The following HACD3 variants were observed in gnomAD, a reference collection of about 807,000 sequenced individuals.
HACD3 encodes very-long-chain (3R)-3-hydroxyacyl-CoA dehydratase 3.
A neutral mutation model predicts 55.2 loss-of-function variants in HACD3; 30 were observed. The observed-to-expected ratio is 0.54, with a 90% CI of 0.41 to 0.74. The LOEUF is 0.74. Among genes scored for constraint, HACD3 ranks in the 30% least tolerant of loss-of-function variants. The pLI is 0.00. For missense variants in HACD3, 363 were observed against 440.1 expected, an observed-to-expected ratio of 0.82 and a Z score of 1.57; for synonymous variants, 141 against 151.7, an observed-to-expected ratio of 0.93 and a Z score of 0.52.
chr15:65,536,108 C>CCAGCCT (rs980186849), intron 1 of HACD3, among the ~76,000 whole-genome samples: 1 of 152,158 alleles, frequency 6.6e-6, no homozygotes, highest in African/African-American at 2.4e-5. Flanking sequence ...CCTCCGCCTC[C>CCAGCCT]CAGCCTCAAG....
chr15:65,531,711 G>T (rs1232918690), intron 1 of HACD3, among the ~76,000 whole-genome samples: 1 of 151,814 alleles, frequency 6.6e-6, no homozygotes, highest in Non-Finnish European at 1.5e-5. Flanking sequence ...GATTATAGAC[G>T]CGTGCCACCA....
chr15:65,536,731 C>G (rs1445450445), intron 1 of HACD3, among the ~76,000 whole-genome samples: 1 of 152,150 alleles, frequency 6.6e-6, no homozygotes, highest in Admixed American at 6.5e-5. Context: ...ACTCCAGTGG[C>G]AGAGTGAGAC....
intron 9 of HACD3, 67 bp downstream of exon 9, chr15:65,571,721 T>C: frequency 8.2e-7 from 1 of 1,219,714 alleles, no homozygotes; most frequent in Non-Finnish European, 1.2e-6. Context: ...GAGAGACCAG[T>C]CCTTTCTTCC....
intron 8 of HACD3, among the ~76,000 whole-genome samples, chr15:65,571,096 A>G (rs1183069600): frequency 2.0e-5 from 3 of 152,226 alleles, no homozygotes; most frequent in South Asian, 2.1e-4. Context: ...CCTTAATGCA[A>G]TGTTTACTGT....
intron 10 of HACD3, among the ~76,000 whole-genome samples, chr15:65,575,328 C>T (rs1246695093): frequency 6.6e-6 from 1 of 151,904 alleles, no homozygotes; most frequent in Non-Finnish European, 1.5e-5. Flanking sequence ...GCTGGGATTA[C>T]AGGCACCTGC....
rs1348895065 is a variant in HACD3 at position 65,577,021 on chromosome 15, A to C, written c.*642A>C. On this transcript the variant is annotated 3_prime_UTR_variant, in exon 11 of 11. Transcript: ENST00000261875. Reference sequence around the variant, plus strand: ...ATTGAAGAGGCGCAGAATGCTTTGAAAGAAACTAATCAGAATCTTGGAACA... The same window carrying C: ...ATTGAAGAGGCGCAGAATGCTTTGACAGAAACTAATCAGAATCTTGGAACA... 6.6e-6 allele frequency: 1 copy of C among 152,244 alleles called. No individual in the cohort carries two copies. The highest frequency in any genetic ancestry group is 2.4e-5 in the African/African-American group (1 of 41,464). The allele number at this position is 152,244 out of a possible 1,614,324, so 9.4% of individuals were successfully genotyped here.
Position 65,576,524 on chromosome 15 carries a change from C to T in HACD3, c.*145C>T. Reference sequence around the variant, plus strand: ...ATCTTCCTTTTCCCCAGTAACATTCCTGAATTTACTGTTATCTTATTGTAG... The same window carrying T: ...ATCTTCCTTTTCCCCAGTAACATTCTTGAATTTACTGTTATCTTATTGTAG... On this transcript the variant is annotated 3_prime_UTR_variant, in exon 11 of 11. Coordinates refer to ENST00000261875, the MANE Select transcript of HACD3 (RefSeq NM_016395.4). 1 of 812,494 alleles carries T rather than the reference C, an allele frequency of 1.2e-6. No homozygotes were observed. Among genetic ancestry groups the T allele is most frequent in the Admixed American group, 2.9e-5 (1 of 34,048 alleles). The allele number at this position is 812,494 out of a possible 1,614,324, so 50.3% of individuals were successfully genotyped here. A position where few individuals can be genotyped will look rare whatever the true frequency, so the allele number is the denominator to read the frequency against.
chr15:65,535,532 C>T (rs2071945494), intron 1 of HACD3, among the ~76,000 whole-genome samples: 1 of 152,170 alleles, frequency 6.6e-6, no homozygotes, highest in African/African-American at 2.4e-5. Context: ...GCGGTTTTGA[C>T]AAATTGAAGG....
At chr15:65,541,693 T>G (rs8031064) in intron 1 of HACD3, among the ~76,000 whole-genome samples, 7,207 of 152,260 alleles carry the variant, frequency 0.047, 581 homozygotes, top group African/African-American at 0.17. Flanking sequence ...TTGTTTAATT[T>G]TACCATGGTC....
intron 1 of HACD3, among the ~76,000 whole-genome samples, chr15:65,548,711 C>T (rs886770453): frequency 2.6e-5 from 4 of 151,556 alleles, no homozygotes; most frequent in South Asian, 2.1e-4. Context: ...TAGCTGGGAC[C>T]GCAGGCATGT....
At position 65,570,206 on chromosome 15, in the gene HACD3, G is replaced by A; in HGVS notation, c.773+3G>A. On this transcript the variant is annotated splice_donor_region_variant and intron_variant, in intron 8 of 10. Transcript: ENST00000261875. ...TGGAGTGCAATTGAAATTTTCAGGT[G>A]GGTAGAAATGCCAGGATGGTGTTTG... 1 of 1,582,134 alleles carries A rather than the reference G, an allele frequency of 6.3e-7. No individual in the cohort carries two copies. The highest frequency in any genetic ancestry group is 1.1e-5 in the South Asian group (1 of 89,950).
rs150458022 is a variant in HACD3, at chr15:65,570,180, G to A, written c.750G>A (p.Leu250=). ...CTGTGGTTTTCTTTGTGTTTTATTT[G>A]TGGAGTGCAATTGAAATTTTCAGGT... is the stretch of plus-strand genomic sequence containing the variant. ...NKAVVFFVFY[L]WSAIEIFRYS... is the part of the protein sequence containing the mutation. Residue 250 remains leucine (L), a synonymous_variant, in exon 8 of 11, where the codon TTG becomes TTA. Transcript: ENST00000261875. 665 of 1,611,308 alleles carry A rather than the reference G, an allele frequency of 4.1e-4. 2 individuals are homozygous for A. In the African/African-American group the frequency reaches 7.2e-3, roughly 17 times the overall value.
chr15:65,576,403 TG>T lies in HACD3; in HGVS notation c.*25del, dbSNP rs762662115. 97 of 1,576,106 alleles carry T rather than the reference TG, an allele frequency of 6.2e-5. No homozygotes were observed. The highest frequency in any genetic ancestry group is 8.3e-5 in the Non-Finnish European group (96 of 1,161,120). On this transcript the variant is annotated 3_prime_UTR_variant, in exon 11 of 11. Transcript: ENST00000261875. Reference sequence around the variant, plus strand: ...AAAAAGAAAGATTTAGATGGCTTCTTGCCAGTTTGAGCCTAATCTGATTCTT... The same window carrying T: ...AAAAAGAAAGATTTAGATGGCTTCTTCCAGTTTGAGCCTAATCTGATTCTT...
intron 10 of HACD3, among the ~76,000 whole-genome samples, chr15:65,575,498 G>A (rs1006559905): frequency 2.0e-5 from 3 of 152,024 alleles, no homozygotes; most frequent in African/African-American, 7.2e-5. Context: ...ATGTTCTTGA[G>A]TAGGCTTGAA....
chr15:65,556,278 C>G (rs1046510086), intron 3 of HACD3, among the ~76,000 whole-genome samples: 1 of 152,190 alleles, frequency 6.6e-6, no homozygotes, highest in Admixed American at 6.5e-5. Flanking sequence ...TTTCTTGCAA[C>G]TAGACAGTCC....
At chr15:65,547,300 A>G (rs960816026) in intron 1 of HACD3, among the ~76,000 whole-genome samples, 5 of 152,144 alleles carry the variant, frequency 3.3e-5, no homozygotes, top group Non-Finnish European at 5.9e-5. Context: ...TATTTTTAGT[A>G]GAGACAGGGT....
intron 5 of HACD3, among the ~76,000 whole-genome samples, chr15:65,561,101 GTCTCTTTGAGCT>G (rs2072240325): frequency 6.6e-6 from 1 of 152,040 alleles, no homozygotes; most frequent in African/African-American, 2.4e-5. Flanking sequence ...TACTGTATCT[GTCTCTTTGAGCT>G]AGTTTGACCT....
At chr15:65,558,918 T>C (rs535206769) in intron 5 of HACD3, among the ~76,000 whole-genome samples, 187 bp downstream of exon 5, 1 of 152,342 alleles carries the variant, frequency 6.6e-6, no homozygotes, top group South Asian at 2.1e-4. Context: ...TTACCTTTAA[T>C]GTGTCCTTTG....
At position 65,530,727 on chromosome 15, in the gene HACD3, C is replaced by T; in HGVS notation, c.87+9C>T. 1 of 1,541,900 alleles carries T rather than the reference C, an allele frequency of 6.5e-7. No individual in the cohort carries two copies. On this transcript the variant is annotated intron_variant, in intron 1 of 10. Transcript: ENST00000261875. ...AGCTGAGTGACGTACAGGTAAAGGC[C>T]GGGTCGGGCGGCGGGAAGCGCGCGG...
Sources: allele counts gnomAD v4.1 joint callset (sites outside exome capture counted in the v4.1 genomes callset), GRCh38; gene constraint gnomAD v4.1.1; transcripts MANE v1.5; gene names NCBI Gene and HGNC (gene_info 2026-07-23, HGNC 2026-07-21).